Variants in PCNT observed in about 807,000 individuals in gnomAD.
PCNT encodes pericentrin, also known as kendrin.
In PCNT, 319 loss-of-function variants were observed where a neutral mutation model predicts 380.4. That is an observed-to-expected ratio of 0.84 (90% CI 0.77 to 0.92). The LOEUF (loss-of-function observed/expected upper bound fraction) is 0.92. Among genes scored for constraint, PCNT ranks in the 40% least tolerant of loss-of-function variants. The probability of loss-of-function intolerance (pLI) is 0.00; values close to 1 mark genes in which losing one functional copy is unlikely to be tolerated. For synonymous variants in PCNT, 1,845 were observed against 1,735.2 expected (o/e 1.06, Z -1.57); for missense variants, 4,400 against 4,255.3 (o/e 1.03, Z -0.95).
chr21:46,399,255 T>TGTGCAGCCGGTGGGTCTTGGTCTCCCC (rs1385314000), intron 24 of PCNT, among the ~76,000 whole-genome samples: 236 of 150,576 alleles, frequency 1.6e-3, no homozygotes, highest in East Asian at 6.7e-3. Flanking sequence ...TAGGTCTCCC[T>TGTGCAGCCGGTGGGTCTTGGTCTCCCC]GTGCAGCCTG....
chr21:46,403,141 G>A (rs1050652799), intron 27 of PCNT, among the ~76,000 whole-genome samples: 7 of 151,810 alleles, frequency 4.6e-5, no homozygotes, highest in Admixed American at 1.3e-4. Context: ...TGAACACAGC[G>A]TGGGAGAATT....
Position 46,391,244 on chromosome 21 carries a change from G to A in PCNT, c.4084G>A (p.Val1362Met), listed in dbSNP as rs1475738113. ...AGKEDSEHRL[V>M]LELESLRRQL... ...GAAGGAGGATTCCGAGCACCGTCTG[G>A]TGCTGGAGCTGGAGAGCCTGAGACG... The change falls in exon 21 of 47, where the codon GTG becomes ATG. Residue 1362 changes from valine (V) to methionine (M), a missense_variant. Val to Met is a conservative substitution (Grantham distance 21). Coordinates refer to ENST00000359568, the MANE Select transcript of PCNT (RefSeq NM_006031.6). 3 of 1,606,464 alleles carry A rather than the reference G, an allele frequency of 1.9e-6. No individual in the cohort carries two copies.
chr21:46,368,427 G>C (rs1330305083), intron 15 of PCNT, among the ~76,000 whole-genome samples: 1 of 151,816 alleles, frequency 6.6e-6, no homozygotes, highest in Non-Finnish European at 1.5e-5. Flanking sequence ...CAGCCTGGGA[G>C]ACAGAGCAAG....
intron 13 of PCNT, among the ~76,000 whole-genome samples, chr21:46,362,305 T>C (rs1410941265): frequency 6.6e-6 from 1 of 152,198 alleles, no homozygotes; most frequent in Non-Finnish European, 1.5e-5. Flanking sequence ...GATTTCTGTG[T>C]GTGGGGCATG....
At chr21:46,355,717 C>T (rs1004974102) in intron 12 of PCNT, 91 bp downstream of exon 12, 7 of 1,314,408 alleles carry the variant, frequency 5.3e-6, no homozygotes, top group African/African-American at 1.5e-5. Flanking sequence ...CGATCCAAGT[C>T]CTCCGTGAAG....
intron 40 of PCNT, among the ~76,000 whole-genome samples, chr21:46,437,715 C>T (rs542284426): frequency 2.0e-5 from 3 of 152,256 alleles, no homozygotes; most frequent in East Asian, 1.9e-4. Context: ...GGAGCTGCGC[C>T]GCTTACCCTC....
chr21:46,421,910 G>A (rs773786048), intron 31 of PCNT, 60 bp from the exon 32 acceptor site: 58 of 1,589,006 alleles, frequency 3.7e-5, no homozygotes, highest in African/African-American at 6.7e-5. Flanking sequence ...TCTGCAGTGC[G>A]TCCCCTGGGG....
At position 46,353,271 on chromosome 21, in the gene PCNT, C is replaced by G. The variant is rs752767708; in HGVS notation, c.1624C>G (p.Gln542Glu). The G allele has an allele frequency of 1.2e-6, 2 of 1,614,160 alleles. No individual in the cohort carries two copies. The highest frequency in any genetic ancestry group is 1.7e-6 in the Non-Finnish European group (2 of 1,180,042). Residue 542 changes from glutamine (Q) to glutamate (E), a missense_variant, in exon 10 of 47, where the codon CAG becomes GAG. Transcript: ENST00000359568. ...TTACCAAGAAGACCTAACCCTGTTA[C>G]AGCAGAGGCTGCAGGGGGCGAGGGA... ...KTYQEDLTLL[Q>E]QRLQGAREDA...
In PCNT at chr21:46,390,814, G is replaced by A; in HGVS notation, c.3985G>A (p.Glu1329Lys). The stretch of plus-strand genomic sequence containing the variant: ...CGCAGCAAAGGCAGAGCTGGCGCTG[G>A]AGCTGCACAAGACTCAGGGTGAGCA... ...ESAAKAELAL[E>K]LHKTQGTLEG... is the part of the protein sequence containing the mutation. Residue 1329 changes from glutamate (E) to lysine (K), a missense_variant, in exon 20 of 47, where the codon GAG becomes AAG. By Grantham distance (56) the Glu-to-Lys change is moderately conservative. Transcript: ENST00000359568. The A allele has an allele frequency of 6.2e-7, 1 of 1,609,654 alleles. No homozygotes were observed. Among genetic ancestry groups the A allele is most frequent in the Non-Finnish European group, 8.5e-7 (1 of 1,178,514 alleles).
chr21:46,339,349 T>C (rs2083850893), intron 3 of PCNT, among the ~76,000 whole-genome samples: 1 of 152,234 alleles, frequency 6.6e-6, no homozygotes, highest in Non-Finnish European at 1.5e-5. Flanking sequence ...AAGGCTTTTG[T>C]CTTTGGTGTT....
chr21:46,425,992 A>G lies in PCNT; in HGVS notation c.7320+21A>G, dbSNP rs751885234. ...CGCAGGTTTATTTTGCCCTTCACAC[A>G]CTTCTTTTCCAAAGGATTTAAGGAG... On this transcript the variant is annotated intron_variant, in intron 33 of 46. Transcript: ENST00000359568. This position sits in a 1 kb window ranked among gnomAD's most constrained non-coding sequence, Gnocchi z 4.2. 6.2e-7 allele frequency: 1 copy of G among 1,610,052 alleles called. No individual in the cohort carries two copies. Among genetic ancestry groups the G allele is most frequent in the East Asian group, 2.2e-5 (1 of 44,638 alleles).
chr21:46,392,224 G>GTTTTT (rs1353303547), intron 21 of PCNT, among the ~76,000 whole-genome samples: 1 of 151,810 alleles, frequency 6.6e-6, no homozygotes, highest in Non-Finnish European at 1.5e-5. Flanking sequence ...TTTTGTTTTT[G>GTTTTT]TTTTTGTTTT....
chr21:46,399,132 T>C (rs187147414), intron 24 of PCNT, among the ~76,000 whole-genome samples: 26 of 152,358 alleles, frequency 1.7e-4, no homozygotes, highest in African/African-American at 6.3e-4. Flanking sequence ...TATTCCATTC[T>C]TTTCTATCAG....
In PCNT at chr21:46,389,317, T is replaced by C. The variant is rs761476979; in HGVS notation, c.3726T>C (p.Phe1242=). Residue 1242 remains phenylalanine (F), a synonymous_variant, in exon 19 of 47, where the codon TTT becomes TTC. Coordinates refer to ENST00000359568, the MANE Select transcript of PCNT (RefSeq NM_006031.6). The stretch of plus-strand genomic sequence containing the variant: ...TTAGCAGCCACATGCGTGAAAGCTT[T>C]CTCATGAGCCCAGAAAGTGTGCGGG... ...AEISSHMRES[F]LMSPESVREC... The C allele has an allele frequency of 6.2e-7, 1 of 1,614,250 alleles. No homozygotes were observed.
intron 2 of PCNT, among the ~76,000 whole-genome samples, chr21:46,327,664 C>T (rs1015880976): frequency 6.6e-6 from 1 of 152,232 alleles, no homozygotes; most frequent in Non-Finnish European, 1.5e-5. Context: ...GGGAGTTCTT[C>T]GTGTGTGGTC....
Position 46,404,977 on chromosome 21 carries a change from A to G in PCNT, c.5115+2494A>G, listed in dbSNP as rs376555691. Reference sequence around the variant, plus strand: ...TATGGCCGGGCACAGTGGCTCTCACACCTGTAATCCCAGGAGTTTGGGAAC... The same window carrying G: ...TATGGCCGGGCACAGTGGCTCTCACGCCTGTAATCCCAGGAGTTTGGGAAC... On this transcript the variant is annotated intron_variant, in intron 27 of 46. Transcript: ENST00000359568. Among the ~76,000 whole-genome samples the G allele has an allele frequency of 3.9e-5, 6 of 152,246 alleles. No individual in the cohort carries two copies. The East Asian group carries it at 1.2e-3, about 29-fold the overall frequency.
chr21:46,347,150 G>C (rs1294538403), intron 5 of PCNT, 152 bp downstream of exon 5: 3 of 1,057,916 alleles, frequency 2.8e-6, no homozygotes, highest in African/African-American at 3.2e-5. Context: ...CACCATGAGA[G>C]GGGTGAACAA....
chr21:46,444,642 C>G, intron 45 of PCNT, 52 bp from the exon 46 acceptor site: 2 of 1,522,252 alleles, frequency 1.3e-6, no homozygotes, highest in Middle Eastern at 1.7e-4. Flanking sequence ...CTGTCAAACT[C>G]AACTCTTTTT....
rs748609124 is a variant in PCNT at position 46,442,518 on chromosome 21, A to G, written c.9645A>G (p.Lys3215=). 1 of 1,611,830 alleles carries G rather than the reference A, an allele frequency of 6.2e-7. No homozygotes were observed. Among genetic ancestry groups the G allele is most frequent in the East Asian group, 2.2e-5 (1 of 44,844 alleles). The change falls in exon 44 of 47, where the codon AAA becomes AAG. Residue 3215 remains lysine (K), a synonymous_variant. Transcript: ENST00000359568. ...AILRLRFLVK[K]WQEVDRKGAL... is the part of the protein sequence containing the mutation. The stretch of plus-strand genomic sequence containing the variant: ...GTAGATTACGTTTTTTGGTTAAGAA[A>G]TGGCAAGAAGTAGATCGGAAAGGAG...
Sources: allele counts gnomAD v4.1 joint callset (sites outside exome capture counted in the v4.1 genomes callset), GRCh38; gene constraint gnomAD v4.1.1; non-coding constraint Gnocchi (gnomAD v3.1); transcripts MANE v1.5; gene names NCBI Gene and HGNC (gene_info 2026-07-23, HGNC 2026-07-21).